The following ALOXE3 variants were observed in gnomAD, a reference collection of about 807,000 sequenced individuals.
ALOXE3 encodes arachidonate epidermal lipoxygenase 3.
In ALOXE3, 78 loss-of-function variants were observed where a neutral mutation model predicts 87.5. The ratio of observed to expected loss-of-function variants is 0.89; its 90% CI spans 0.74 to 1.08. ALOXE3 has a LOEUF of 1.08. Ranked by LOEUF, ALOXE3 falls within the 50% of genes least tolerant of loss-of-function variation. The pLI is 0.00. For synonymous variants in ALOXE3, 363 were observed against 370.8 expected, an observed-to-expected ratio of 0.98 and a Z score of 0.24; for missense variants, 946 against 912.4, an observed-to-expected ratio of 1.04 and a Z score of -0.47.
intron 15 of ALOXE3, 68 bp from the exon 16 acceptor site, chr17:8,096,874 T>G: frequency 6.4e-7 from 1 of 1,559,264 alleles, no homozygotes; most frequent in Non-Finnish European, 8.8e-7. Flanking sequence ...GAGGACCACA[T>G]GTAACAGCAA....
rs1464143493 is a variant in ALOXE3 at position 8,118,023 on chromosome 17, C to G, written c.-33G>C. The stretch of plus-strand genomic sequence containing the variant: ...AGGAGGAAGGGATGCCCCGGCAACG[C>G]TGGCCGCAGCAGCAGCCGGCCTGGA... On this transcript the variant is annotated 5_prime_UTR_variant, in exon 2 of 16. Transcript: ENST00000448843. 6.2e-7 allele frequency: 1 copy of G among 1,605,472 alleles called. No homozygotes were observed. Among genetic ancestry groups the G allele is most frequent in the African/African-American group, 1.3e-5 (1 of 75,008 alleles).
At chr17:8,118,804 G>A, upstream of ALOXE3, 2 of 1,537,024 alleles carry the variant, frequency 1.3e-6, no homozygotes, top group Non-Finnish European at 1.7e-6. Flanking sequence ...ACCGCCCTGG[G>A]CCTGCAGGAT....
At chr17:8,102,652 C>G (rs1052837821) in intron 15 of ALOXE3, among the ~76,000 whole-genome samples, 9 of 152,190 alleles carry the variant, frequency 5.9e-5, no homozygotes, top group African/African-American at 2.2e-4. Context: ...TCTTCCCCCT[C>G]CCTAAAAAAG....
At position 8,118,079 on chromosome 17, in the gene ALOXE3, G is replaced by T. The variant is rs761442028; in HGVS notation, c.-89C>A. 8.3e-6 allele frequency: 13 copies of T among 1,566,686 alleles called. No individual in the cohort carries two copies. Among genetic ancestry groups the T allele is most frequent in the Non-Finnish European group, 7.8e-6 (9 of 1,157,154 alleles). On this transcript the variant is annotated 5_prime_UTR_variant, in exon 2 of 16. Coordinates refer to ENST00000448843, the MANE Select transcript of ALOXE3 (RefSeq NM_021628.3). ...AGAGCGGCACGCCGGACAGGGCTGGGTTTCTGGGCGGAGGGCTAGGGGCTG... is the reference window on the plus strand; with the variant it reads ...AGAGCGGCACGCCGGACAGGGCTGGTTTTCTGGGCGGAGGGCTAGGGGCTG...
rs1328234994 is a variant in ALOXE3 at position 8,118,188 on chromosome 17, C to G, written c.-198G>C. ...TCTCTCCGAAGCTCCCTGCTGGCGG[C>G]TCGGGCTTCCTCTCTCCGCCCACAG... On this transcript the variant is annotated 5_prime_UTR_variant, in exon 2 of 16. Coordinates refer to ENST00000448843, the MANE Select transcript of ALOXE3 (RefSeq NM_021628.3). 6.4e-7 allele frequency: 1 copy of G among 1,551,558 alleles called. No individual in the cohort carries two copies. Among genetic ancestry groups the G allele is most frequent in the East Asian group, 2.4e-5 (1 of 40,898 alleles).
intron 14 of ALOXE3, 55 bp from the exon 15 acceptor site, chr17:8,103,548 C>G: frequency 3.8e-6 from 6 of 1,574,184 alleles, no homozygotes; most frequent in Non-Finnish European, 5.2e-6. Context: ...AGTATCACCT[C>G]CCTCTTCACC....
At chr17:8,118,371 C>G (rs2151849138) in intron 1 of ALOXE3, 68 bp from the exon 2 acceptor site, 2 of 1,551,508 alleles carry the variant, frequency 1.3e-6, no homozygotes, top group Non-Finnish European at 8.7e-7. Context: ...TGGGACACTG[C>G]CCTCCGCCTG....
At chr17:8,102,794 A>G (rs1979006572) in intron 15 of ALOXE3, among the ~76,000 whole-genome samples, 1 of 152,176 alleles carries the variant, frequency 6.6e-6, no homozygotes, top group Non-Finnish European at 1.5e-5. Context: ...CCTTACCCCT[A>G]TCACTGGACT....
intron 15 of ALOXE3, among the ~76,000 whole-genome samples, chr17:8,097,894 C>T (rs979534639): frequency 3.3e-5 from 5 of 150,978 alleles, no homozygotes; most frequent in Admixed American, 6.6e-5. Context: ...ACTACAGGTG[C>T]CTGCCACCAT....
At position 8,111,463 on chromosome 17, in the gene ALOXE3, C is replaced by T. The variant is rs774243681; in HGVS notation, c.853G>A (p.Val285Ile). Residue 285 changes from valine (V) to isoleucine (I), a missense_variant, in exon 8 of 16, where the codon GTC becomes ATC. By Grantham distance (29) the Val-to-Ile change is conservative. Transcript: ENST00000448843. ...AAGCTAGAGATGCAGTGGAGCATGA[C>T]GGGATTGACACCATTCAGGTACTGG... Reference protein sequence around the residue: ...GYQYLNGVNPVMLHCISSLPS... With the variant: ...GYQYLNGVNPIMLHCISSLPS... The T allele has an allele frequency of 3.7e-5, 60 of 1,614,036 alleles. No individual in the cohort carries two copies. The highest frequency in any genetic ancestry group is 1.6e-4 in the Middle Eastern group (1 of 6,062).
At chr17:8,104,091 C>T (rs1979105893) in intron 14 of ALOXE3, 24 bp downstream of exon 14, 1 of 1,605,798 alleles carries the variant, frequency 6.2e-7, no homozygotes, top group Non-Finnish European at 8.5e-7. Flanking sequence ...CTGATGTCCC[C>T]AGGCCTGCCC....
At chr17:8,109,463 A>G in intron 11 of ALOXE3, 120 bp from the exon 12 acceptor site, 1 of 1,385,386 alleles carries the variant, frequency 7.2e-7, no homozygotes. Context: ...CAAGCAATCC[A>G]CGGATCAAAT....
At chr17:8,118,742 G>T (rs750367098), upstream of ALOXE3, 58 of 1,537,192 alleles carry the variant, frequency 3.8e-5, no homozygotes, top group Non-Finnish European at 5.1e-5. Context: ...GCGAAATACA[G>T]CGCCGGCAAA....
In ALOXE3 at chr17:8,110,403, C is replaced by T. The variant is rs777234752; in HGVS notation, c.1083G>A (p.Leu361=). The T allele has an allele frequency of 6.2e-7, 1 of 1,608,670 alleles. No individual in the cohort carries two copies. The highest frequency in any genetic ancestry group is 8.5e-7 in the Non-Finnish European group (1 of 1,176,970). The part of the protein sequence containing the change: ...CLLWLSPQGA[L]VPLAIQLSQT... ...GGCTCACCTGGATGGCCAAGGGCAC[C>T]AGCGCCCCCTGGGGGCTGAGCCACA... The change falls in exon 9 of 16, where the codon CTG becomes CTA. Residue 361 remains leucine, a synonymous_variant. Coordinates refer to ENST00000448843, the MANE Select transcript of ALOXE3 (RefSeq NM_021628.3).
chr17:8,116,835 T>A lies in ALOXE3; in HGVS notation c.293A>T (p.His98Leu). 1.2e-6 allele frequency: 2 copies of A among 1,614,222 alleles called. No homozygotes were observed. The highest frequency in any genetic ancestry group is 1.7e-6 in the Non-Finnish European group (2 of 1,180,024). The part of the protein sequence containing the change: ...CVTEPDGSVS[H>L]FPCYQWIEGY... ...TTCAATCCACTGATAGCAGGGGAAG[T>A]GGGATACACTACCATCCGGTTCGGT... Residue 98 changes from histidine (H) to leucine (L), a missense_variant, in exon 3 of 16, where the codon CAC (histidine) becomes CTC (leucine). By Grantham distance (99) the His-to-Leu change is moderately conservative. Transcript: ENST00000448843.
In ALOXE3 at chr17:8,114,645, C is replaced by G. The variant is rs374118798; in HGVS notation, c.555-36G>C. 62 of 1,613,196 alleles carry G rather than the reference C, an allele frequency of 3.8e-5. No homozygotes were observed. In the African/African-American group the frequency reaches 7.5e-4, roughly 19 times the overall value. On this transcript the variant is annotated intron_variant, in intron 5 of 15. Transcript: ENST00000448843. ...GGGGAGTAGAAAGACAGAAACCAGTCAGTGGGCCCTGAAGCCCAGCTGCTC... is the reference window on the plus strand; with the variant it reads ...GGGGAGTAGAAAGACAGAAACCAGTGAGTGGGCCCTGAAGCCCAGCTGCTC...
Position 8,109,210 on chromosome 17 carries a change from C to G in ALOXE3, c.1526G>C (p.Arg509Pro). The G allele has an allele frequency of 6.2e-7, 1 of 1,613,948 alleles. No homozygotes were observed. The highest frequency in any genetic ancestry group is 8.5e-7 in the Non-Finnish European group (1 of 1,180,044). The change falls in exon 12 of 16, where the codon CGA becomes CCA. Residue 509 changes from arginine (R) to proline (P), a missense_variant. Physicochemically the swap from Arg to Pro is moderately radical, Grantham distance 103 (BLOSUM62 -2). Coordinates refer to ENST00000448843, the MANE Select transcript of ALOXE3 (RefSeq NM_021628.3). ...GVLAIPNYHY[R>P]DDGLKIWAAI... ...CGCCCAGATCTTCAGGCCGTCGTCT[C>G]GGTAGTGGTAGTTGGGGATAGCCAG...
intron 15 of ALOXE3, among the ~76,000 whole-genome samples, chr17:8,102,000 G>A (rs1319930330): frequency 6.6e-6 from 1 of 152,184 alleles, no homozygotes; most frequent in South Asian, 2.1e-4. Context: ...ATATTCACCT[G>A]TTAGAGAGCT....
At chr17:8,102,424 C>T (rs140900467) in intron 15 of ALOXE3, among the ~76,000 whole-genome samples, 11,671 of 152,006 alleles carry the variant, frequency 0.077, 597 homozygotes, top group Middle Eastern at 0.16. Flanking sequence ...ACCTGGGAGG[C>T]GGAGGTTGCA....
Sources: gnomAD v4.1 joint callset for allele counts (sites outside exome capture counted in the v4.1 genomes callset) on GRCh38, gnomAD v4.1.1 for gene constraint, MANE v1.5 for transcripts, NCBI Gene and HGNC (gene_info 2026-07-23, HGNC 2026-07-21) for gene names.